EPHA6: variants seen among roughly 807,000 people sequenced by gnomAD.
The protein encoded by EPHA6 is EPH receptor A6.
EPHA6 carries 50 observed loss-of-function variants against 112.0 expected under a neutral mutation model. The ratio of observed to expected loss-of-function variants is 0.45; its 90% CI spans 0.36 to 0.56. EPHA6 has a LOEUF of 0.56. EPHA6 is among the 20% of genes least tolerant of loss of function. The probability of loss-of-function intolerance (pLI) is 0.00; values close to 1 mark genes in which losing one functional copy is unlikely to be tolerated. For synonymous variants in EPHA6, 529 were observed against 490.7 expected (o/e 1.08, Z -1.03); for missense variants, 1,280 against 1,417.4 (o/e 0.90, Z 1.56).
chr3:97,504,813 T>A (rs1177160788), intron 10 of EPHA6, among the ~76,000 whole-genome samples: 1 of 152,206 alleles, frequency 6.6e-6, no homozygotes, highest in African/African-American at 2.4e-5. Flanking sequence ...ATAGTATTTT[T>A]ACGTATATAC....
chr3:97,009,633 C>A (rs2044007712), intron 3 of EPHA6, among the ~76,000 whole-genome samples: 3 of 152,222 alleles, frequency 2.0e-5, no homozygotes, highest in South Asian at 2.1e-4. Context: ...GGTTGCCCCT[C>A]CCCCAAGGAG....
chr3:97,627,320 A>G (rs903916445), intron 13 of EPHA6, among the ~76,000 whole-genome samples: 3 of 151,906 alleles, frequency 2.0e-5, no homozygotes, highest in African/African-American at 7.2e-5. Context: ...AGATGTTATT[A>G]TTGCTGTGGA....
intron 1 of EPHA6, among the ~76,000 whole-genome samples, chr3:96,857,317 A>G (rs1025924400): frequency 1.1e-4 from 16 of 152,136 alleles, no homozygotes; most frequent in African/African-American, 3.9e-4. Context: ...TAATGCATTT[A>G]TTGTATTTTA....
At chr3:97,052,787 G>A (rs2045725231) in intron 3 of EPHA6, among the ~76,000 whole-genome samples, 1 of 152,018 alleles carries the variant, frequency 6.6e-6, no homozygotes, top group South Asian at 2.1e-4. Flanking sequence ...AATAACACTT[G>A]ATAAACTCAG....
chr3:97,031,687 C>A (rs1171864878), intron 3 of EPHA6, among the ~76,000 whole-genome samples: 2 of 152,106 alleles, frequency 1.3e-5, no homozygotes, highest in Admixed American at 6.6e-5. Context: ...CCAAAAAATG[C>A]ATGAAAAATT....
At chr3:97,287,552 C>G (rs1475540076) in intron 5 of EPHA6, among the ~76,000 whole-genome samples, 1 of 150,998 alleles carries the variant, frequency 6.6e-6, no homozygotes. Context: ...GGGCCTACAT[C>G]CTTTATTATG....
At chr3:97,030,236 CTT>C (rs2044778207) in intron 3 of EPHA6, among the ~76,000 whole-genome samples, 1 of 152,020 alleles carries the variant, frequency 6.6e-6, no homozygotes, top group South Asian at 2.1e-4. Context: ...TGAAGCCTAA[CTT>C]AATACCTATG....
At chr3:96,998,684 G>T (rs1447012754) in intron 3 of EPHA6, among the ~76,000 whole-genome samples, 1 of 151,804 alleles carries the variant, frequency 6.6e-6, no homozygotes, top group Non-Finnish European at 1.5e-5. Context: ...AGTTATATCT[G>T]ATGTGTCTGG....
intron 3 of EPHA6, among the ~76,000 whole-genome samples, chr3:97,146,064 C>A (rs928030200): frequency 6.6e-5 from 10 of 151,472 alleles, no homozygotes; most frequent in African/African-American, 2.4e-4. Context: ...TTTGATTGCT[C>A]CTTTTAAATT....
intron 6 of EPHA6, among the ~76,000 whole-genome samples, chr3:97,424,621 T>G (rs1039284387): frequency 2.0e-5 from 3 of 151,770 alleles, no homozygotes; most frequent in Non-Finnish European, 4.4e-5. Flanking sequence ...CTGGCCAACA[T>G]AGTGAAACCC....
intron 6 of EPHA6, among the ~76,000 whole-genome samples, chr3:97,429,169 C>A (rs1324897718): frequency 6.6e-6 from 1 of 152,074 alleles, no homozygotes; most frequent in African/African-American, 2.4e-5. Flanking sequence ...ATGATTTAAG[C>A]CAAACCTTTC....
At chr3:96,965,376 A>G (rs2042088397) in intron 2 of EPHA6, among the ~76,000 whole-genome samples, 1 of 152,098 alleles carries the variant, frequency 6.6e-6, no homozygotes, top group South Asian at 2.1e-4. Context: ...TACCTATCTA[A>G]TGGGCCTAAA....
intron 5 of EPHA6, among the ~76,000 whole-genome samples, chr3:97,259,680 A>G (rs1331369993): frequency 1.3e-5 from 2 of 152,246 alleles, no homozygotes; most frequent in Non-Finnish European, 2.9e-5. Flanking sequence ...CTGTGCTGTC[A>G]TACAGTAGAA....
intron 3 of EPHA6, among the ~76,000 whole-genome samples, chr3:97,001,082 A>G (rs2043646817): frequency 6.9e-6 from 1 of 144,096 alleles, no homozygotes; most frequent in Non-Finnish European, 1.5e-5. Context: ...ACCAGATATA[A>G]ACCGAACTAA....
rs116590213 is a variant in EPHA6 at position 97,620,823 on chromosome 3, A to G, written c.2574+9969A>G. ...GCTATACACTGTTGGTGGCAGTGTAAATTAGTTCAATCATTGTAACAGACA... is the reference window on the plus strand; with the variant it reads ...GCTATACACTGTTGGTGGCAGTGTAGATTAGTTCAATCATTGTAACAGACA... On this transcript the variant is annotated intron_variant, in intron 13 of 17. Transcript: ENST00000389672. 2.8e-3 allele frequency among the ~76,000 whole-genome samples: 426 copies of G among 152,188 alleles called. 3 individuals are homozygous for G. Among genetic ancestry groups the G allele is most frequent in the African/African-American group, 9.5e-3 (397 of 41,572 alleles).
chr3:97,249,980 C>T (rs546966030), intron 5 of EPHA6, among the ~76,000 whole-genome samples: 3 of 152,232 alleles, frequency 2.0e-5, no homozygotes, highest in Admixed American at 6.5e-5. Flanking sequence ...AAGAACTAAA[C>T]AGAGTAAGTG....
intron 14 of EPHA6, among the ~76,000 whole-genome samples, chr3:97,676,789 A>C (rs1296257729): frequency 6.6e-6 from 1 of 152,222 alleles, no homozygotes; most frequent in East Asian, 1.9e-4. Flanking sequence ...AGATGTAGTC[A>C]TACCATTTTG....
At chr3:97,288,142 C>T (rs1256560779) in intron 5 of EPHA6, among the ~76,000 whole-genome samples, 1 of 152,012 alleles carries the variant, frequency 6.6e-6, no homozygotes, top group Non-Finnish European at 1.5e-5. Flanking sequence ...CATGGGTATA[C>T]TGTGTGATGC....
At chr3:97,358,191 T>G (rs577396532) in intron 5 of EPHA6, among the ~76,000 whole-genome samples, 3 of 152,292 alleles carry the variant, frequency 2.0e-5, no homozygotes, top group Admixed American at 6.5e-5. Context: ...GTGTTGTTTT[T>G]TGTAGTGAAA....
Sources: gnomAD v4.1 joint callset for allele counts (sites outside exome capture counted in the v4.1 genomes callset) on GRCh38, gnomAD v4.1.1 for gene constraint, MANE v1.5 for transcripts, NCBI Gene and HGNC (gene_info 2026-07-23, HGNC 2026-07-21) for gene names.